Variants in CAMTA1 observed in about 807,000 individuals in gnomAD.
The protein encoded by CAMTA1 is calmodulin-binding transcription activator 1.
Under a neutral mutation model 170.9 loss-of-function variants are expected in CAMTA1, and 27 were observed. The ratio of observed to expected loss-of-function variants is 0.16; its 90% CI spans 0.12 to 0.22. CAMTA1 has a LOEUF of 0.22. Ranked by LOEUF, CAMTA1 falls within the 10% of genes least tolerant of loss-of-function variation. The probability of loss-of-function intolerance (pLI) is 1.00; values close to 1 mark genes in which losing one functional copy is unlikely to be tolerated. For synonymous variants in CAMTA1, 833 were observed against 891.5 expected, an observed-to-expected ratio of 0.93 and a Z score of 1.17; for missense variants, 1,619 against 2,217.2, an observed-to-expected ratio of 0.73 and a Z score of 5.42.
At chr1:6,952,280 A>G (rs1340513578) in intron 3 of CAMTA1, among the ~76,000 whole-genome samples, 1 of 151,324 alleles carries the variant, frequency 6.6e-6, no homozygotes, top group Non-Finnish European at 1.5e-5. Flanking sequence ...AATACAAAAA[A>G]ATTAGCCAGG....
At chr1:6,796,036 CTT>C (rs1194456668) in intron 1 of CAMTA1, among the ~76,000 whole-genome samples, 1 of 150,750 alleles carries the variant, frequency 6.6e-6, no homozygotes, top group African/African-American at 2.4e-5. Context: ...GATTTTGTGA[CTT>C]GAACTGTGTT....
rs143067013 is a variant in CAMTA1, at chr1:7,493,558, A to T, written c.510+25657A>T. On this transcript the variant is annotated intron_variant, in intron 6 of 22. Transcript: ENST00000303635. The stretch of plus-strand genomic sequence containing the variant: ...GAAAGTGCCAAGCACAGTACCAGGC[A>T]CGCAACGACGGATCCACACACTTTA... Among the ~76,000 whole-genome samples the T allele has an allele frequency of 3.5e-3, 531 of 151,456 alleles. 4 individuals are homozygous for T. The highest frequency in any genetic ancestry group is 0.012 in the African/African-American group (500 of 41,438).
At chr1:6,919,344 A>C (rs1425943964) in intron 3 of CAMTA1, among the ~76,000 whole-genome samples, 1 of 152,154 alleles carries the variant, frequency 6.6e-6, no homozygotes, top group East Asian at 1.9e-4. Flanking sequence ...AGGCAGGAGG[A>C]TGCTGCCTCT....
intron 6 of CAMTA1, among the ~76,000 whole-genome samples, chr1:7,606,339 T>G (rs2095486432): frequency 6.6e-6 from 1 of 152,176 alleles, no homozygotes; most frequent in South Asian, 2.1e-4. Flanking sequence ...GGGAAGTGGT[T>G]CATTTAAGAT....
At chr1:7,231,487 CTT>C (rs1315676753) in intron 4 of CAMTA1, among the ~76,000 whole-genome samples, 1 of 152,134 alleles carries the variant, frequency 6.6e-6, no homozygotes, top group Non-Finnish European at 1.5e-5. Context: ...ATTCTCCTGT[CTT>C]AGTCTCCCAA....
intron 11 of CAMTA1, among the ~76,000 whole-genome samples, chr1:7,730,940 A>G (rs1311877060): frequency 6.6e-6 from 1 of 150,388 alleles, no homozygotes; most frequent in Non-Finnish European, 1.5e-5. Flanking sequence ...ATATATATAT[A>G]TATATATTTA....
chr1:7,465,994 G>A lies in CAMTA1; in HGVS notation c.439-1836G>A, dbSNP rs182810340. On this transcript the variant is annotated intron_variant, in intron 5 of 22. Coordinates refer to ENST00000303635, the MANE Select transcript of CAMTA1 (RefSeq NM_015215.4). ...TGGAAACCTCTTATTTCAAAGGGACGAGAGAAACACCCCTCAGCCGTTGAT... is the reference window on the plus strand; with the variant it reads ...TGGAAACCTCTTATTTCAAAGGGACAAGAGAAACACCCCTCAGCCGTTGAT... 1.7e-3 allele frequency among the ~76,000 whole-genome samples: 264 copies of A among 152,310 alleles called. 3 individuals carry two copies. The highest frequency in any genetic ancestry group is 2.3e-3 in the East Asian group (12 of 5,178).
At position 7,413,460 on chromosome 1, in the gene CAMTA1, G is replaced by A. The variant is rs564693585; in HGVS notation, c.439-54370G>A. Among the ~76,000 whole-genome samples, 1,282 of 152,260 alleles carry A rather than the reference G, an allele frequency of 8.4e-3. 10 individuals carry two copies. The highest frequency in any genetic ancestry group is 0.024 in the Middle Eastern group (7 of 294). On this transcript the variant is annotated intron_variant, in intron 5 of 22. Coordinates refer to ENST00000303635, the MANE Select transcript of CAMTA1 (RefSeq NM_015215.4). ...GCAGTGGTTTGTAGTTCTCCTTGAA[G>A]AGGTCCTTCATGTCCCTTGTAAGTT... is the stretch of plus-strand genomic sequence containing the variant.
chr1:6,864,905 T>G (rs1277807460), intron 3 of CAMTA1, among the ~76,000 whole-genome samples: 1 of 152,158 alleles, frequency 6.6e-6, no homozygotes, highest in Non-Finnish European at 1.5e-5. Context: ...CCCTGTTACC[T>G]GTACTGAGCC....
chr1:7,743,965 T>C (rs2096837548), intron 16 of CAMTA1, among the ~76,000 whole-genome samples: 1 of 149,852 alleles, frequency 6.7e-6, no homozygotes, highest in African/African-American at 2.5e-5. Flanking sequence ...TAGCTGGCAC[T>C]ACAGGCGCCC....
At chr1:7,628,138 T>C (rs1477663405) in intron 6 of CAMTA1, among the ~76,000 whole-genome samples, 1 of 152,186 alleles carries the variant, frequency 6.6e-6, no homozygotes, top group Non-Finnish European at 1.5e-5. Flanking sequence ...CTTTGTGTCT[T>C]CTCCCCTCAG....
chr1:7,095,267 C>G (rs1402204996), intron 4 of CAMTA1, among the ~76,000 whole-genome samples: 1 of 152,208 alleles, frequency 6.6e-6, no homozygotes, highest in Non-Finnish European at 1.5e-5. Context: ...GGACACCTCC[C>G]AGACCCTCAA....
chr1:7,142,371 C>T (rs1172042177), intron 4 of CAMTA1, among the ~76,000 whole-genome samples: 6 of 152,168 alleles, frequency 3.9e-5, no homozygotes, highest in Non-Finnish European at 1.5e-5. Context: ...CAGTGGTCCA[C>T]GAACTGCAAT....
intron 4 of CAMTA1, among the ~76,000 whole-genome samples, chr1:7,177,680 C>G (rs917577885): frequency 2.0e-5 from 3 of 150,334 alleles, no homozygotes; most frequent in Non-Finnish European, 4.4e-5. Context: ...AAAACCCTGC[C>G]CATATACCAG....
chr1:7,737,558 A>C lies in CAMTA1; in HGVS notation c.3646A>C (p.Ser1216Arg). 1 of 1,607,850 alleles carries C rather than the reference A, an allele frequency of 6.2e-7. No homozygotes were observed. The highest frequency in any genetic ancestry group is 1.3e-5 in the African/African-American group (1 of 74,868). The change falls in exon 15 of 23, where the codon AGC becomes CGC. Residue 1216 changes from serine to arginine, a missense_variant. Ser to Arg is a moderately radical substitution (Grantham distance 110). Transcript: ENST00000303635. ...EIPKGVTVIA[S>R]TNPELRRPRS... Reference sequence around the variant, plus strand: ...ACCCAAGGGAGTCACTGTTATTGCAAGCACCAACCCAGGTAAGAATTCAGA... The same window carrying C: ...ACCCAAGGGAGTCACTGTTATTGCACGCACCAACCCAGGTAAGAATTCAGA...
chr1:7,410,092 T>G (rs1379877613), intron 5 of CAMTA1, among the ~76,000 whole-genome samples: 1 of 152,248 alleles, frequency 6.6e-6, no homozygotes. Context: ...TTTCTCCAGT[T>G]GCTCTCCCCT....
chr1:7,672,089 C>T (rs941441821), intron 10 of CAMTA1: 2 of 455,882 alleles, frequency 4.4e-6, no homozygotes, highest in Non-Finnish European at 8.8e-6. Context: ...GAGCCCTGAC[C>T]ATAAACAGGA....
intron 11 of CAMTA1, among the ~76,000 whole-genome samples, chr1:7,687,362 T>A (rs1160952829): frequency 2.0e-5 from 3 of 151,822 alleles, no homozygotes; most frequent in Non-Finnish European, 4.4e-5. Flanking sequence ...AGCAGGGAGC[T>A]GGGTAAGAGC....
chr1:7,270,622 C>G (rs547133973), intron 5 of CAMTA1, among the ~76,000 whole-genome samples: 81 of 152,172 alleles, frequency 5.3e-4, no homozygotes, highest in Middle Eastern at 3.4e-3. Flanking sequence ...GGAAGTTCTT[C>G]AGGCTGATAG....
Sources: gnomAD v4.1 joint callset for allele counts (sites outside exome capture counted in the v4.1 genomes callset) on GRCh38, gnomAD v4.1.1 for gene constraint, MANE v1.5 for transcripts, NCBI Gene and HGNC (gene_info 2026-07-23, HGNC 2026-07-21) for gene names.